PPP1R9A: variants seen among roughly 807,000 people sequenced by gnomAD.
The protein encoded by PPP1R9A is protein phosphatase 1 regulatory subunit 9A, also known as neurabin-1.
In PPP1R9A, 59 loss-of-function variants were observed where a neutral mutation model predicts 141.9. The ratio of observed to expected loss-of-function variants is 0.42; its 90% CI spans 0.34 to 0.52. The LOEUF is 0.52. Among genes scored for constraint, PPP1R9A ranks in the 20% least tolerant of loss-of-function variants. The pLI, the probability that PPP1R9A is intolerant of heterozygous loss-of-function variation, is 0.10. For synonymous variants in PPP1R9A, 500 were observed against 569.7 expected, an observed-to-expected ratio of 0.88 and a Z score of 1.74; for missense variants, 1,444 against 1,611.9, an observed-to-expected ratio of 0.90 and a Z score of 1.78.
At chr7:95,267,829 A>G (rs1801540800) in intron 12 of PPP1R9A, among the ~76,000 whole-genome samples, 1 of 152,186 alleles carries the variant, frequency 6.6e-6, no homozygotes. Flanking sequence ...TGTTAATGAA[A>G]GAAAAGGAAA....
At chr7:95,061,194 T>A (rs1812181664) in intron 2 of PPP1R9A, among the ~76,000 whole-genome samples, 1 of 152,206 alleles carries the variant, frequency 6.6e-6, no homozygotes, top group African/African-American at 2.4e-5. Context: ...TTTCTGAACT[T>A]CTTGCCTTCC....
In PPP1R9A at chr7:95,284,059, G is replaced by A; in HGVS notation, c.3338G>A (p.Cys1113Tyr). 1.3e-6 allele frequency: 2 copies of A among 1,598,416 alleles called. No individual in the cohort carries two copies. Among genetic ancestry groups the A allele is most frequent in the Non-Finnish European group, 1.7e-6 (2 of 1,178,974 alleles). ...GRLENWTPKPCSTAQTSTRSP... is the reference protein window; with the variant it reads ...GRLENWTPKPYSTAQTSTRSP... ...CTGGAAAACTGGACACCCAAGCCAT[G>A]TTCAACAGCTCAGACCTCCACTCGT... is the stretch of plus-strand genomic sequence containing the variant. Residue 1113 changes from cysteine (C) to tyrosine (Y), a missense_variant, in exon 17 of 20, where the codon TGT becomes TAT. Around this residue, in one of 5 missense-constraint regions of PPP1R9A, gnomAD observed 459 missense variants for 513.8 expected, o/e 0.89. Transcript: ENST00000433360.
At position 95,164,243 on chromosome 7, in the gene PPP1R9A, A is replaced by G. The variant is rs988475939; in HGVS notation, c.1754+2272A>G. 7.9e-5 allele frequency among the ~76,000 whole-genome samples: 12 copies of G among 152,116 alleles called. 1 individual carries two copies. The highest frequency in any genetic ancestry group is 2.2e-4 in the African/African-American group (9 of 41,422). On this transcript the variant is annotated intron_variant, in intron 5 of 19. Coordinates refer to ENST00000433360, the MANE Select transcript of PPP1R9A (RefSeq NM_001166160.2). ...CACATCCTTGCCAGCATTTGTTGTC[A>G]GTGTTTTGGATTTTGACCATTCAAA...
At chr7:95,140,963 G>T (rs766493982) in intron 4 of PPP1R9A, among the ~76,000 whole-genome samples, 17 of 152,062 alleles carry the variant, frequency 1.1e-4, no homozygotes, top group Non-Finnish European at 2.1e-4. Context: ...TAAGCAATCC[G>T]CCTGCCCTGC....
intron 2 of PPP1R9A, among the ~76,000 whole-genome samples, chr7:95,038,785 C>T (rs1423024843): frequency 6.6e-6 from 1 of 152,076 alleles, no homozygotes; most frequent in Non-Finnish European, 1.5e-5. Context: ...TACTCCTTGC[C>T]CCCATTTCAC....
chr7:95,228,426 A>T (rs1013713739), intron 8 of PPP1R9A, among the ~76,000 whole-genome samples: 8 of 152,212 alleles, frequency 5.3e-5, no homozygotes, highest in African/African-American at 1.9e-4. Context: ...AGCCAACAAA[A>T]GTTGGCTAGC....
intron 2 of PPP1R9A, among the ~76,000 whole-genome samples, chr7:95,045,527 T>C (rs1809887243): frequency 1.3e-5 from 2 of 152,232 alleles, no homozygotes; most frequent in South Asian, 4.1e-4. Flanking sequence ...GGAATGCCCC[T>C]GGAAGGTCAT....
intron 8 of PPP1R9A, among the ~76,000 whole-genome samples, chr7:95,229,414 G>A (rs1795596135): frequency 6.6e-6 from 1 of 152,010 alleles, no homozygotes; most frequent in Non-Finnish European, 1.5e-5. Flanking sequence ...ACTTGGTGCT[G>A]TTGTGGAGGG....
chr7:95,120,957 G>A (rs2152485558), intron 4 of PPP1R9A, 125 bp downstream of exon 4: 2 of 1,267,810 alleles, frequency 1.6e-6, no homozygotes, highest in East Asian at 4.8e-5. Flanking sequence ...TTTCTCAGAT[G>A]TGAAAATCTT....
At chr7:94,982,690 A>C (rs1044200623) in intron 2 of PPP1R9A, among the ~76,000 whole-genome samples, 2 of 151,908 alleles carry the variant, frequency 1.3e-5, no homozygotes, top group Non-Finnish European at 2.9e-5. Context: ...TTTTCTTGTA[A>C]ATTTGTTTGA....
chr7:95,041,034 A>G (rs1440181838), intron 2 of PPP1R9A, among the ~76,000 whole-genome samples: 1 of 152,168 alleles, frequency 6.6e-6, no homozygotes, highest in Non-Finnish European at 1.5e-5. Context: ...AATTTATTTG[A>G]CAGAAATATC....
intron 2 of PPP1R9A, among the ~76,000 whole-genome samples, chr7:95,005,273 A>G (rs1234484211): frequency 1.3e-5 from 2 of 152,280 alleles, no homozygotes; most frequent in East Asian, 3.9e-4. Context: ...CCACAGGGCT[A>G]AATATGGTAA....
chr7:94,998,504 A>AT (rs1182537374), intron 2 of PPP1R9A, among the ~76,000 whole-genome samples: 5 of 151,932 alleles, frequency 3.3e-5, no homozygotes, highest in African/African-American at 7.3e-5. Context: ...AGTCAGCTTG[A>AT]TTTTTTTTAA....
chr7:94,976,561 C>T (rs912269322), intron 2 of PPP1R9A, among the ~76,000 whole-genome samples: 7 of 151,994 alleles, frequency 4.6e-5, no homozygotes, highest in African/African-American at 7.3e-5. Context: ...AGGATGGTCT[C>T]GATCTCCTGA....
chr7:95,113,760 A>T (rs904082281), intron 3 of PPP1R9A, among the ~76,000 whole-genome samples: 2 of 152,172 alleles, frequency 1.3e-5, no homozygotes, highest in Admixed American at 6.5e-5. Flanking sequence ...TTGCCTACAT[A>T]CTTTATCTGA....
chr7:95,176,314 A>G lies in PPP1R9A; in HGVS notation c.1754+14343A>G, dbSNP rs371465820. On this transcript the variant is annotated intron_variant, in intron 5 of 19. Transcript: ENST00000433360. Reference sequence around the variant, plus strand: ...TCCACAGGAAAAGGGGGAGAGTACTACATCAAGGGAGCACCCATGGCACAA... The same window carrying G: ...TCCACAGGAAAAGGGGGAGAGTACTGCATCAAGGGAGCACCCATGGCACAA... Among the ~76,000 whole-genome samples, 29 of 152,240 alleles carry G rather than the reference A, an allele frequency of 1.9e-4. No homozygotes were observed. The East Asian group carries it at 3.1e-3, about 16-fold the overall frequency.
intron 16 of PPP1R9A, among the ~76,000 whole-genome samples, chr7:95,281,226 C>A (rs1378552948): frequency 6.6e-6 from 1 of 152,128 alleles, no homozygotes; most frequent in Non-Finnish European, 1.5e-5. Context: ...ATACAGGATA[C>A]AACTTCAGCA....
At chr7:95,223,676 C>T (rs1217515544) in intron 7 of PPP1R9A, among the ~76,000 whole-genome samples, 1 of 151,960 alleles carries the variant, frequency 6.6e-6, no homozygotes, top group Non-Finnish European at 1.5e-5. Context: ...ATGTTTAAAA[C>T]GTGCCACATT....
chr7:94,947,704 G>A (rs542958305), intron 2 of PPP1R9A, among the ~76,000 whole-genome samples: 1 of 151,954 alleles, frequency 6.6e-6, no homozygotes, highest in African/African-American at 2.4e-5. Flanking sequence ...AAGGCAGATT[G>A]GTGCTAATTT....
Sources: allele counts gnomAD v4.1 joint callset (sites outside exome capture counted in the v4.1 genomes callset), GRCh38; gene constraint gnomAD v4.1.1; regional missense constraint gnomAD v4.1.1; transcripts MANE v1.5; gene names NCBI Gene and HGNC (gene_info 2026-07-23, HGNC 2026-07-21).